COL16A1: variants seen among roughly 807,000 people sequenced by gnomAD.
COL16A1 encodes collagen type XVI alpha 1 chain.
COL16A1 carries 189 observed loss-of-function variants against 266.3 expected under a neutral mutation model. The ratio of observed to expected loss-of-function variants is 0.71; its 90% CI spans 0.63 to 0.80. The LOEUF is 0.80. Among genes scored for constraint, COL16A1 ranks in the 30% least tolerant of loss-of-function variants. The probability of loss-of-function intolerance (pLI) is 0.00; values close to 1 mark genes in which losing one functional copy is unlikely to be tolerated. For synonymous variants in COL16A1, 740 were observed against 782.3 expected (o/e 0.95, Z 0.90); for missense variants, 1,928 against 2,122.4 (o/e 0.91, Z 1.80).
intron 37 of COL16A1, 107 bp from the exon 38 acceptor site, chr1:31,681,174 C>G: frequency 6.9e-7 from 1 of 1,453,246 alleles, no homozygotes; most frequent in African/African-American, 1.4e-5. Context: ...GCCAGGTTCC[C>G]CTGGAGCCCA....
chr1:31,680,011 G>T (rs368329074), intron 40 of COL16A1, 31 bp downstream of exon 40: 1 of 1,612,646 alleles, frequency 6.2e-7, no homozygotes, highest in East Asian at 2.2e-5. Flanking sequence ...CTCTCCCCCA[G>T]TTGGGGGAAG....
intron 1 of COL16A1, among the ~76,000 whole-genome samples, chr1:31,702,796 C>T (rs1044900653): frequency 2.0e-5 from 3 of 152,244 alleles, no homozygotes; most frequent in African/African-American, 7.2e-5. Context: ...TGTGTGGGGG[C>T]CAAGGAAGCT....
chr1:31,680,985 G>A (rs375587804), intron 38 of COL16A1, 38 bp downstream of exon 38: 38 of 1,613,760 alleles, frequency 2.4e-5, no homozygotes, highest in Middle Eastern at 1.6e-4. Context: ...AGGCAGGGCC[G>A]GCCATGGCTT....
Position 31,679,943 on chromosome 1 carries a change from G to C in COL16A1, c.2671-92C>G, listed in dbSNP as rs1041314548. The C allele has an allele frequency of 1.9e-6, 3 of 1,559,824 alleles. No individual in the cohort carries two copies. In the South Asian group the frequency reaches 3.5e-5, roughly 18 times the overall value. On this transcript the variant is annotated intron_variant, in intron 40 of 70. Coordinates refer to ENST00000373672, the MANE Select transcript of COL16A1 (RefSeq NM_001856.4). ...GCTGCGTGGGGAGGCGGCTGGCTGG[G>C]GTGCGTGGCCCTGCGGGGCCTTTGC...
Position 31,680,070 on chromosome 1 carries a change from T to G in COL16A1, c.2642A>C (p.Gln881Pro), listed in dbSNP as rs1249050043. 6.2e-7 allele frequency: 1 copy of G among 1,613,932 alleles called. No homozygotes were observed. Among genetic ancestry groups the G allele is most frequent in the Non-Finnish European group, 8.5e-7 (1 of 1,179,928 alleles). ...CATGCCAGAGAAGATGAGGTCTCCT[T>G]GAGAGGGGCAGGAGCACTCCCCTGG... ...GEPGECSCPS[Q>P]GDLIFSGMPG... is the part of the protein sequence containing the mutation. Residue 881 changes from glutamine to proline, a missense_variant, in exon 40 of 71, where the codon CAA becomes CCA. This residue lies in a region of COL16A1 where 1,552 missense variants were observed against 1,637.2 expected (regional missense o/e 0.95). Coordinates refer to ENST00000373672, the MANE Select transcript of COL16A1 (RefSeq NM_001856.4).
At position 31,684,810 on chromosome 1, in the gene COL16A1, C is replaced by G. The variant is rs78189411; in HGVS notation, c.2052+11G>C. 89,759 of 1,613,966 alleles carry G rather than the reference C, an allele frequency of 0.056. 5,350 individuals carry two copies. The highest frequency in any genetic ancestry group is 0.27 in the African/African-American group (19,964 of 74,946). ...CCATGCCCACCCCCGTGCCCACGGACGCCCTCTCACCTTCTGCCCCTTCAG... is the reference window on the plus strand; with the variant it reads ...CCATGCCCACCCCCGTGCCCACGGAGGCCCTCTCACCTTCTGCCCCTTCAG... On this transcript the variant is annotated intron_variant, in intron 30 of 70. Coordinates refer to ENST00000373672, the MANE Select transcript of COL16A1 (RefSeq NM_001856.4).
At chr1:31,658,397 A>C in intron 64 of COL16A1, 91 bp downstream of exon 64, 12 of 1,107,534 alleles carry the variant, frequency 1.1e-5, no homozygotes, top group African/African-American at 1.6e-5. Context: ...CTCCTTCCTT[A>C]GAGACCCCAG....
chr1:31,681,205 A>G (rs1329392828), intron 37 of COL16A1, 138 bp from the exon 38 acceptor site: 20 of 1,255,188 alleles, frequency 1.6e-5, no homozygotes, highest in Non-Finnish European at 1.9e-5. Context: ...CCCACGTTCC[A>G]GAGGAGGAGA....
rs746338688 is a variant in COL16A1 at position 31,652,702 on chromosome 1, C to T, written c.4764G>A (p.Pro1588=). ...TCATGGGTGGGTACTGCTGCTCCAT[C>T]GGCATGGCCCCAAAGCAGTCAGAGG... is the stretch of plus-strand genomic sequence containing the variant. ...CNPSDCFGAM[P]MEQQYPPMKT... The change falls in exon 71 of 71, where the codon CCG becomes CCA. Residue 1588 remains proline, a synonymous_variant. Transcript: ENST00000373672. This position sits in a 1 kb window ranked among gnomAD's most constrained non-coding sequence, Gnocchi z 4.8. 1.7e-5 allele frequency: 27 copies of T among 1,605,708 alleles called. No homozygotes were observed. Among genetic ancestry groups the T allele is most frequent in the South Asian group, 4.5e-5 (4 of 89,386 alleles).
Position 31,698,208 on chromosome 1 carries a change from C to A in COL16A1, c.391-36G>T. ...TTTGGAAAGGGAAAGGACAGAGATT[C>A]AGAGCTCCAGAGTCACACCATGGGC... On this transcript the variant is annotated intron_variant, in intron 5 of 70. Coordinates refer to ENST00000373672, the MANE Select transcript of COL16A1 (RefSeq NM_001856.4). The surrounding 1 kb of genome is among the most constrained non-coding windows in gnomAD (Gnocchi z 4.1). 2 of 1,608,474 alleles carry A rather than the reference C, an allele frequency of 1.2e-6. No individual in the cohort carries two copies. The highest frequency in any genetic ancestry group is 2.2e-5 in the South Asian group (2 of 90,416).
chr1:31,656,977 A>G lies in COL16A1; in HGVS notation c.4056+56T>C, dbSNP rs1237160486. ...GAAAAAAATGAAGAGGGGTCAGGGC[A>G]AGGCGAGGAGCAAGAAGCACCCCCA... On this transcript the variant is annotated intron_variant, in intron 65 of 70. Transcript: ENST00000373672. The surrounding 1 kb of genome is among the most constrained non-coding windows in gnomAD (Gnocchi z 4.2). The G allele has an allele frequency of 6.2e-7, 1 of 1,612,488 alleles. No individual in the cohort carries two copies. The highest frequency in any genetic ancestry group is 1.3e-5 in the African/African-American group (1 of 74,902).
intron 62 of COL16A1, chr1:31,659,920 G>C (rs1287131179): frequency 1.4e-5 from 2 of 145,060 alleles, no homozygotes; most frequent in Non-Finnish European, 3.0e-5. Context: ...GACCCCTTGA[G>C]ATGCATAAAA....
Position 31,667,599 on chromosome 1 carries a change from C to T in COL16A1, c.3333G>A (p.Gly1111=), listed in dbSNP as rs1461942919. 6.2e-7 allele frequency: 1 copy of T among 1,603,724 alleles called. No individual in the cohort carries two copies. The highest frequency in any genetic ancestry group is 8.5e-7 in the Non-Finnish European group (1 of 1,175,722). Residue 1111 remains glycine (G), a synonymous_variant, in exon 52 of 71, where the codon GGG becomes GGA. Coordinates refer to ENST00000373672, the MANE Select transcript of COL16A1 (RefSeq NM_001856.4). The part of the protein sequence containing the change: ...PGIKGERGYT[G]SAGEKGEPGP... ...CCGGCTCTCCTTTCTCTCCCGCTGA[C>T]CCGGTGTAGCCACGCTCCCCCTTGA... is the stretch of plus-strand genomic sequence containing the variant.
intron 62 of COL16A1, 53 bp from the exon 63 acceptor site, chr1:31,659,017 T>A: frequency 6.6e-7 from 1 of 1,514,598 alleles, no homozygotes; most frequent in Non-Finnish European, 9.0e-7. Context: ...GTAAGACCCC[T>A]GGGAGGCACA....
chr1:31,680,142 A>G, intron 39 of COL16A1, 41 bp from the exon 40 acceptor site: 1 of 1,601,458 alleles, frequency 6.2e-7, no homozygotes, highest in Non-Finnish European at 8.5e-7. Flanking sequence ...GATGAAGACG[A>G]AGGGCTCTCT....
intron 70 of COL16A1, 45 bp downstream of exon 70, chr1:31,653,552 GTC>G: frequency 6.4e-7 from 1 of 1,573,772 alleles, no homozygotes; most frequent in East Asian, 2.3e-5. Flanking sequence ...AAGAAAAGGG[GTC>G]TCTGCTGCTC....
At chr1:31,665,989 C>T (rs758022065) in intron 53 of COL16A1, 48 bp downstream of exon 53, 3 of 1,614,096 alleles carry the variant, frequency 1.9e-6, no homozygotes, top group East Asian at 2.2e-5. Flanking sequence ...GCCCTCAGAC[C>T]CCAGGACAAG....
rs1301776740 is a variant in COL16A1 at position 31,697,037 on chromosome 1, T to C, written c.790A>G (p.Ile264Val). ...CCTTCAGACTGTGGATTGATCTCAATGAGCTCATTGCTCTGGGTGTCCCGG... is the reference window on the plus strand; with the variant it reads ...CCTTCAGACTGTGGATTGATCTCAACGAGCTCATTGCTCTGGGTGTCCCGG... ...ARRDTQSNEL[I>V]EINPQSEGKV... Residue 264 changes from isoleucine to valine, a missense_variant, in exon 8 of 71, where the codon ATT becomes GTT. This residue lies in a region of COL16A1 where 1,552 missense variants were observed against 1,637.2 expected (regional missense o/e 0.95). Coordinates refer to ENST00000373672, the MANE Select transcript of COL16A1 (RefSeq NM_001856.4). This position sits in a 1 kb window ranked among gnomAD's most constrained non-coding sequence, Gnocchi z 4.2. 1.2e-6 allele frequency: 2 copies of C among 1,614,066 alleles called. No homozygotes were observed. The highest frequency in any genetic ancestry group is 1.7e-6 in the Non-Finnish European group (2 of 1,180,032).
chr1:31,686,885 G>A (rs998569972), intron 26 of COL16A1, among the ~76,000 whole-genome samples: 4 of 152,198 alleles, frequency 2.6e-5, no homozygotes, highest in Middle Eastern at 3.2e-3. Flanking sequence ...GGAGTAGTCC[G>A]GACATATTCC....
Sources: gnomAD v4.1 joint callset for allele counts (sites outside exome capture counted in the v4.1 genomes callset) on GRCh38, gnomAD v4.1.1 for gene constraint, gnomAD v4.1.1 regional missense constraint, Gnocchi (gnomAD v3.1) non-coding constraint, MANE v1.5 for transcripts, NCBI Gene and HGNC (gene_info 2026-07-23, HGNC 2026-07-21) for gene names.